PLEKHG3: variants seen among roughly 807,000 people sequenced by gnomAD.
The protein encoded by PLEKHG3 is pleckstrin homology and RhoGEF domain containing G3.
A neutral mutation model predicts 94.9 loss-of-function variants in PLEKHG3; 62 were observed. That is an observed-to-expected ratio of 0.65 (90% confidence interval 0.53 to 0.81). The LOEUF (loss-of-function observed/expected upper bound fraction) is 0.81, where lower values mean the gene tolerates loss of function less well. PLEKHG3 is among the 30% of genes least tolerant of loss of function. The probability of loss-of-function intolerance (pLI) is 0.00; values close to 1 mark genes in which losing one functional copy is unlikely to be tolerated. For synonymous variants in PLEKHG3, 614 were observed against 654.0 expected, an observed-to-expected ratio of 0.94 and a Z score of 0.93; for missense variants, 1,461 against 1,619.3, an observed-to-expected ratio of 0.90 and a Z score of 1.68.
At chr14:64,733,164 CTTTT>C (rs112116298) in intron 12 of PLEKHG3, among the ~76,000 whole-genome samples, 13 of 135,352 alleles carry the variant, frequency 9.6e-5, no homozygotes, top group African/African-American at 3.4e-4. Context: ...TTTTCTTTTT[CTTTT>C]TTTTTTTTTT....
Position 64,749,341 on chromosome 14 carries a change from C to T in PLEKHG3, c.*5638C>T. ...TTGGGGAAGAAGCTGAATCTCTTCT[C>T]CTTGTCTTTCTTGCCGAGGCTGGCG... On this transcript the variant is annotated 3_prime_UTR_variant, in exon 17 of 17. Coordinates refer to ENST00000247226, the MANE Select transcript of PLEKHG3 (RefSeq NM_001308147.2). The surrounding 1 kb of genome is among the most constrained non-coding windows in gnomAD (Gnocchi z 4.7). 1 of 1,609,944 alleles carries T rather than the reference C, an allele frequency of 6.2e-7. No homozygotes were observed. Among genetic ancestry groups the T allele is most frequent in the Non-Finnish European group, 8.5e-7 (1 of 1,179,328 alleles).
chr14:64,731,202 A>G lies in PLEKHG3; in HGVS notation c.849+33A>G. On this transcript the variant is annotated intron_variant, in intron 7 of 16. Transcript: ENST00000247226. This position sits in a 1 kb window ranked among gnomAD's most constrained non-coding sequence, Gnocchi z 6.1. Reference sequence around the variant, plus strand: ...GGGGCTGGGACGCTGGGGGAGGGGCAGGGCTGGGTGGGCCAGGCTTCCGCT... The same window carrying G: ...GGGGCTGGGACGCTGGGGGAGGGGCGGGGCTGGGTGGGCCAGGCTTCCGCT... 2.2e-5 allele frequency: 15 copies of G among 678,714 alleles called. No individual in the cohort carries two copies. The highest frequency in any genetic ancestry group is 2.8e-5 in the Non-Finnish European group (11 of 397,474). 42.0% of individuals were successfully genotyped at this position (678,714 alleles called of 1,614,324 possible).
intron 3 of PLEKHG3, among the ~76,000 whole-genome samples, chr14:64,729,663 C>A (rs912977615): frequency 1.3e-5 from 2 of 152,108 alleles, no homozygotes; most frequent in Non-Finnish European, 2.9e-5. Flanking sequence ...GGTGCTAGGA[C>A]AGGAAGAATC....
At chr14:64,713,756 C>A (rs184891380) in intron 1 of PLEKHG3, among the ~76,000 whole-genome samples, 14 of 151,752 alleles carry the variant, frequency 9.2e-5, no homozygotes, top group African/African-American at 3.4e-4. Context: ...TTGCACCTTC[C>A]CCCATTTCCT....
Position 64,742,095 on chromosome 14 carries a change from G to C in PLEKHG3, c.2578G>C (p.Glu860Gln). 6.2e-7 allele frequency: 1 copy of C among 1,610,394 alleles called. No homozygotes were observed. The highest frequency in any genetic ancestry group is 8.5e-7 in the Non-Finnish European group (1 of 1,179,642). The change falls in exon 16 of 17, where the codon GAG becomes CAG. Residue 860 changes from glutamate to glutamine, a missense_variant. By Grantham distance (29) the Glu-to-Gln change is conservative. Transcript: ENST00000247226. ...GCATGAGCTGGGAGCCATCACAGAG[G>C]AGTCGGCCACTGCCTCCCCGGAAAG... The part of the protein sequence containing the change: ...EEHELGAITE[E>Q]SATASPESSS...
intron 1 of PLEKHG3, among the ~76,000 whole-genome samples, chr14:64,708,214 C>T (rs1000223451): frequency 6.6e-6 from 1 of 152,198 alleles, no homozygotes; most frequent in Non-Finnish European, 1.5e-5. Context: ...CACCCCCATC[C>T]TACAGATAGG....
rs1026260383 is a variant in PLEKHG3, at chr14:64,721,187, G to A, written c.-39-6406G>A. 6.6e-6 allele frequency among the ~76,000 whole-genome samples: 1 copy of A among 152,222 alleles called. No homozygotes were observed. Among genetic ancestry groups the A allele is most frequent in the Non-Finnish European group, 1.5e-5 (1 of 68,042 alleles). On this transcript the variant is annotated intron_variant, in intron 1 of 16. Coordinates refer to ENST00000247226, the MANE Select transcript of PLEKHG3 (RefSeq NM_001308147.2). This position sits in a 1 kb window ranked among gnomAD's most constrained non-coding sequence, Gnocchi z 4.3. ...GTGTATGTTGGGAAATGGTTGAGGA[G>A]GCCTTTCTCTGAAGGAGATGATTGC...
In PLEKHG3 at chr14:64,731,552, G is replaced by A. The variant is rs2081465015; in HGVS notation, c.1032+9G>A. The A allele has an allele frequency of 1.2e-6, 2 of 1,613,118 alleles. No individual in the cohort carries two copies. The highest frequency in any genetic ancestry group is 2.2e-5 in the East Asian group (1 of 44,868). ...ACAAGGGCAACATCCCGGTAACCAG[G>A]CCCTGCCCCATCTCCTCTGCCATCT... On this transcript the variant is annotated intron_variant, in intron 8 of 16. Transcript: ENST00000247226. This position sits in a 1 kb window ranked among gnomAD's most constrained non-coding sequence, Gnocchi z 6.1.
chr14:64,715,103 G>A lies in PLEKHG3; in HGVS notation c.-40+10399G>A, dbSNP rs1371711107. ...CTTGGGGTTGTCTACTGCTGGTTAC[G>A]TACTGTTTTTGGAGGCATCTACAGG... On this transcript the variant is annotated intron_variant, in intron 1 of 16. Transcript: ENST00000247226. This position sits in a 1 kb window ranked among gnomAD's most constrained non-coding sequence, Gnocchi z 4.4. Among the ~76,000 whole-genome samples, 3 of 152,176 alleles carry A rather than the reference G, an allele frequency of 2.0e-5. No individual in the cohort carries two copies. Among genetic ancestry groups the A allele is most frequent in the African/African-American group, 4.8e-5 (2 of 41,434 alleles).
chr14:64,743,877 T>TG lies in PLEKHG3; in HGVS notation c.*175dup. 1.6e-6 allele frequency: 1 copy of TG among 606,256 alleles called. No individual in the cohort carries two copies. The allele number at this position is 606,256 out of a possible 1,614,324, so 37.6% of individuals were successfully genotyped here. ...CCCGTGTGCAGGGGTCTCCTGCCTG[T>TG]GCCATCCACTGGGGCTCGAGACAAT... On this transcript the variant is annotated 3_prime_UTR_variant, in exon 17 of 17. Coordinates refer to ENST00000247226, the MANE Select transcript of PLEKHG3 (RefSeq NM_001308147.2). The surrounding 1 kb of genome is among the most constrained non-coding windows in gnomAD (Gnocchi z 7.2).
chr14:64,737,032 C>T, intron 13 of PLEKHG3, 141 bp downstream of exon 13: 5 of 744,258 alleles, frequency 6.7e-6, no homozygotes, highest in Non-Finnish European at 9.7e-6. Context: ...CCATTCCCCC[C>T]AGAAGAGGGC....
Position 64,719,390 on chromosome 14 carries a change from GTTAC to G in PLEKHG3, c.-39-8196_-39-8193del, listed in dbSNP as rs573688019. 4.0e-4 allele frequency among the ~76,000 whole-genome samples: 61 copies of G among 151,918 alleles called. 1 individual carries two copies. Among genetic ancestry groups the G allele is most frequent in the African/African-American group, 1.3e-3 (52 of 41,430 alleles). ...GGCTTACTGTGTGTCAGATGTACGG[GTTAC>G]TTACTTGTGTCATCTCAACCTTGGA... On this transcript the variant is annotated intron_variant, in intron 1 of 16. Transcript: ENST00000247226.
rs750846222 is a variant in PLEKHG3 at position 64,731,414 on chromosome 14, G to T, written c.903G>T (p.Gly301=). The T allele has an allele frequency of 1.2e-6, 2 of 1,614,088 alleles. No homozygotes were observed. Among genetic ancestry groups the T allele is most frequent in the Admixed American group, 3.3e-5 (2 of 60,026 alleles). Residue 301 remains glycine, a synonymous_variant, in exon 8 of 17, where the codon GGG becomes GGT. Transcript: ENST00000247226. The surrounding 1 kb of genome is among the most constrained non-coding windows in gnomAD (Gnocchi z 6.1). ...NWKGPDLTTY[G]ELVLEGTFRV... ...AGGGGCCCGACCTGACCACCTACGG[G>T]GAGCTTGTCCTGGAGGGCACATTCC...
Position 64,718,187 on chromosome 14 carries a change from A to G in PLEKHG3, c.-39-9406A>G, listed in dbSNP as rs371214896. Among the ~76,000 whole-genome samples the G allele has an allele frequency of 2.0e-5, 3 of 152,304 alleles. No homozygotes were observed. The highest frequency in any genetic ancestry group is 2.4e-5 in the African/African-American group (1 of 41,570). ...CACTAGCTACTCCTTCTGTTAGCAC[A>G]GTTTATTTATTCATGCTTTTGTACT... is the stretch of plus-strand genomic sequence containing the variant. On this transcript the variant is annotated intron_variant, in intron 1 of 16. Transcript: ENST00000247226. This position sits in a 1 kb window ranked among gnomAD's most constrained non-coding sequence, Gnocchi z 5.0.
chr14:64,736,849 T>C lies in PLEKHG3; in HGVS notation c.1346-4T>C. The C allele has an allele frequency of 6.2e-7, 1 of 1,612,112 alleles. No individual in the cohort carries two copies. Among genetic ancestry groups the C allele is most frequent in the South Asian group, 1.1e-5 (1 of 91,050 alleles). On this transcript the variant is annotated splice_polypyrimidine_tract_variant and splice_region_variant and intron_variant, in intron 12 of 16. Transcript: ENST00000247226. ...GCTGACTCTGCTCATGCTTTCCTCC[T>C]CAGAGCCAACCAAACACCTGCTCAG...
In PLEKHG3 at chr14:64,747,598, T is replaced by G. The variant is rs1489932627; in HGVS notation, c.*3895T>G. On this transcript the variant is annotated 3_prime_UTR_variant, in exon 17 of 17. Transcript: ENST00000247226. ...TAGTGTCAGGGCCACAGGGTGGAAC[T>G]GATTTCTGCCGGCACTGGTCAGCAC... 1 of 152,364 alleles carries G rather than the reference T, an allele frequency of 6.6e-6. No homozygotes were observed. The highest frequency in any genetic ancestry group is 2.4e-5 in the African/African-American group (1 of 41,442). 9.4% of individuals were successfully genotyped at this position (152,364 alleles called of 1,614,324 possible).
At position 64,747,018 on chromosome 14, in the gene PLEKHG3, G is replaced by A. The variant is rs1244993616; in HGVS notation, c.*3315G>A. 6.5e-6 allele frequency: 1 copy of A among 152,802 alleles called. No homozygotes were observed. The highest frequency in any genetic ancestry group is 1.9e-4 in the East Asian group (1 of 5,192). The allele number at this position is 152,802 out of a possible 1,614,324, so 9.5% of individuals were successfully genotyped here. On this transcript the variant is annotated 3_prime_UTR_variant, in exon 17 of 17. Transcript: ENST00000247226. ...TGGTCGAATGTCTTGGAGCCTGGGT[G>A]ACAGGAGGGATGTGTGGGGAGCTGG...
rs1014084019 is a variant in PLEKHG3 at position 64,749,108 on chromosome 14, G to A, written c.*5405G>A. The A allele has an allele frequency of 4.0e-5, 22 of 552,978 alleles. 1 individual carries two copies. The highest frequency in any genetic ancestry group is 2.1e-4 in the South Asian group (10 of 47,672). The allele number at this position is 552,978 out of a possible 1,614,324, so 34.3% of individuals were successfully genotyped here. ...CCTGTCCCTGGAGCGGAGCCAGCGC[G>A]GGCGAGGGCATGGAGGGGGCGTCGG... is the stretch of plus-strand genomic sequence containing the variant. On this transcript the variant is annotated 3_prime_UTR_variant, in exon 17 of 17. Transcript: ENST00000247226. This position sits in a 1 kb window ranked among gnomAD's most constrained non-coding sequence, Gnocchi z 4.7.
Position 64,727,051 on chromosome 14 carries a change from T to C in PLEKHG3, c.-39-542T>C, listed in dbSNP as rs896494990. 7.9e-5 allele frequency among the ~76,000 whole-genome samples: 12 copies of C among 152,156 alleles called. No homozygotes were observed. Among genetic ancestry groups the C allele is most frequent in the Non-Finnish European group, 1.8e-4 (12 of 68,012 alleles). On this transcript the variant is annotated intron_variant, in intron 1 of 16. Transcript: ENST00000247226. The surrounding 1 kb of genome is among the most constrained non-coding windows in gnomAD (Gnocchi z 6.0). ...CCATATTGATGGTGTATGGAGCACG[T>C]ACCCTATGCCAGGCATCATGCTCAG...
Sources: gnomAD v4.1 joint callset for allele counts (sites outside exome capture counted in the v4.1 genomes callset) on GRCh38, gnomAD v4.1.1 for gene constraint, Gnocchi (gnomAD v3.1) non-coding constraint, MANE v1.5 for transcripts, NCBI Gene and HGNC (gene_info 2026-07-23, HGNC 2026-07-21) for gene names.